The following ENTPD4 variants were observed in gnomAD, a reference collection of about 807,000 sequenced individuals.
The protein encoded by ENTPD4 is Golgi UDPase.
In ENTPD4, 60 loss-of-function variants were observed where a neutral mutation model predicts 79.1. That is an observed-to-expected ratio of 0.76 (90% confidence interval 0.62 to 0.94). The LOEUF is 0.94. Ranked by LOEUF, ENTPD4 falls within the 40% of genes least tolerant of loss-of-function variation. The probability of loss-of-function intolerance (pLI) is 0.00; values close to 1 mark genes in which losing one functional copy is unlikely to be tolerated. For missense variants in ENTPD4, 772 were observed against 775.1 expected, an observed-to-expected ratio of 1.00 and a Z score of 0.05; for synonymous variants, 276 against 292.0, an observed-to-expected ratio of 0.95 and a Z score of 0.56.
Position 23,444,461 on chromosome 8 carries a change from G to A in ENTPD4, c.558C>T (p.Pro186=), listed in dbSNP as rs532802683. 2.5e-5 allele frequency: 40 copies of A among 1,613,738 alleles called. No individual in the cohort carries two copies. Among genetic ancestry groups the A allele is most frequent in the Middle Eastern group, 1.7e-4 (1 of 6,002 alleles). ...GCCCTTCTGTGGAGGATCACCTTTCGGGGAGGATTCTCATTCCAGCCGTGC... is the reference window on the plus strand; with the variant it reads ...GCCCTTCTGTGGAGGATCACCTTTCAGGGAGGATTCTCATTCCAGCCGTGC... The part of the protein sequence containing the change: ...ILCTAGMRIL[P]ESQQKAILED... The change falls in exon 5 of 13, where the codon CCC becomes CCT. Residue 186 remains proline (P), a synonymous_variant. Transcript: ENST00000358689.
In ENTPD4 at chr8:23,449,088, A is replaced by C. The variant is rs1800813879; in HGVS notation, c.9-149T>G. 7 of 629,202 alleles carry C rather than the reference A, an allele frequency of 1.1e-5. No individual in the cohort carries two copies. In the East Asian group the frequency reaches 1.9e-4, roughly 17 times the overall value. 39.0% of individuals were successfully genotyped at this position (629,202 alleles called of 1,614,324 possible). ...TATACTGGCATCTTGCATATGCTAC[A>C]CAACAGCTACAAACCCCTTATCATA... On this transcript the variant is annotated intron_variant, in intron 2 of 12. Coordinates refer to ENST00000358689, the MANE Select transcript of ENTPD4 (RefSeq NM_004901.5).
At chr8:23,455,491 T>TA (rs76730498) in intron 1 of ENTPD4, among the ~76,000 whole-genome samples, 16,956 of 152,252 alleles carry the variant, frequency 0.11, 1,046 homozygotes, top group African/African-American at 0.16. Context: ...TGACAAAAGA[T>TA]ACATGAAGAC....
chr8:23,443,992 C>A lies in ENTPD4; in HGVS notation c.564-39G>T, dbSNP rs763118227. On this transcript the variant is annotated intron_variant, in intron 5 of 12. Coordinates refer to ENST00000358689, the MANE Select transcript of ENTPD4 (RefSeq NM_004901.5). ...AAAACATTTACAAATCAAAAGATTA[C>A]AGCTTGGTATCTTCTGTTTAGAAAA... 10 of 1,382,364 alleles carry A rather than the reference C, an allele frequency of 7.2e-6. No homozygotes were observed. The African/African-American group carries it at 1.4e-4, about 20-fold the overall frequency. 85.6% of individuals were successfully genotyped at this position (1,382,364 alleles called of 1,614,324 possible).
At chr8:23,439,609 G>T in intron 9 of ENTPD4, 140 bp downstream of exon 9, 1 of 765,228 alleles carries the variant, frequency 1.3e-6, no homozygotes, top group Non-Finnish European at 2.2e-6. Flanking sequence ...TCTTCTCCCT[G>T]CTCAGCTAGT....
At chr8:23,434,868 CTA>C (rs1379606493) in intron 11 of ENTPD4, 17 of 279,738 alleles carry the variant, frequency 6.1e-5, no homozygotes, top group African/African-American at 3.3e-4. Flanking sequence ...CTCTGATATT[CTA>C]TGACTCTAAA....
chr8:23,429,927 A>G lies in ENTPD4; in HGVS notation c.*2999T>C, dbSNP rs997249388. 10 of 985,364 alleles carry G rather than the reference A, an allele frequency of 1.0e-5. No homozygotes were observed. In the African/African-American group the frequency reaches 1.4e-4, roughly 14 times the overall value. The allele number at this position is 985,364 out of a possible 1,614,324, so 61.0% of individuals were successfully genotyped here. A position where few individuals can be genotyped will look rare whatever the true frequency, so the allele number is the denominator to read the frequency against. ...GAGAACATCCCCTGGAGGAGGTTTA[A>G]AAGTGAGAAGCCCATGATATGGCTA... On this transcript the variant is annotated 3_prime_UTR_variant, in exon 13 of 13. Coordinates refer to ENST00000358689, the MANE Select transcript of ENTPD4 (RefSeq NM_004901.5).
At position 23,434,451 on chromosome 8, in the gene ENTPD4, C is replaced by T. The variant is rs1223902829; in HGVS notation, c.1488G>A (p.Met496Ile). The stretch of plus-strand genomic sequence containing the variant: ...AAAAGCCCCTATGAAACACCTCAAA[C>T]ATCCAGGCCGATTTGAAGCACTGAT... ...LKYQCFKSAW[M>I]FEVFHRGFSF... is the part of the protein sequence containing the mutation. Residue 496 changes from methionine to isoleucine, a missense_variant, in exon 12 of 13, where the codon ATG (methionine) becomes ATA (isoleucine). By Grantham distance (10) the Met-to-Ile change is conservative. Transcript: ENST00000358689. 6.2e-7 allele frequency: 1 copy of T among 1,614,142 alleles called. No individual in the cohort carries two copies. Among genetic ancestry groups the T allele is most frequent in the African/African-American group, 1.3e-5 (1 of 75,030 alleles).
chr8:23,442,825 C>T (rs1432761368), intron 6 of ENTPD4, among the ~76,000 whole-genome samples: 2 of 152,132 alleles, frequency 1.3e-5, no homozygotes, highest in Non-Finnish European at 2.9e-5. Context: ...ATCCCTGCCC[C>T]TATTCCTCTG....
intron 8 of ENTPD4, among the ~76,000 whole-genome samples, chr8:23,440,472 C>T (rs1186372415): frequency 6.6e-6 from 1 of 151,892 alleles, no homozygotes; most frequent in Non-Finnish European, 1.5e-5. Flanking sequence ...GTGATGAATC[C>T]ATGGGAAATT....
At chr8:23,452,083 G>T (rs544792949) in intron 1 of ENTPD4, among the ~76,000 whole-genome samples, 1 of 152,212 alleles carries the variant, frequency 6.6e-6, no homozygotes, top group Non-Finnish European at 1.5e-5. Flanking sequence ...CTTGTCTAAG[G>T]TCACACAGCT....
chr8:23,440,969 T>C (rs1800657970), intron 8 of ENTPD4, among the ~76,000 whole-genome samples: 1 of 152,196 alleles, frequency 6.6e-6, no homozygotes, highest in African/African-American at 2.4e-5. Flanking sequence ...TCCAGAAAGC[T>C]AGGCTTTGGT....
chr8:23,438,445 A>G (rs760413931), intron 9 of ENTPD4, among the ~76,000 whole-genome samples: 4 of 152,248 alleles, frequency 2.6e-5, no homozygotes, highest in Non-Finnish European at 5.9e-5. Context: ...CAAATGGCGA[A>G]GAGATAAATG....
At chr8:23,435,725 C>T (rs1379517316) in intron 10 of ENTPD4, among the ~76,000 whole-genome samples, 1 of 152,204 alleles carries the variant, frequency 6.6e-6, no homozygotes, top group Non-Finnish European at 1.5e-5. Context: ...TGTCCACAAC[C>T]AACCTCTCCA....
intron 2 of ENTPD4, among the ~76,000 whole-genome samples, chr8:23,449,313 C>A (rs1800818578): frequency 6.6e-6 from 1 of 152,150 alleles, no homozygotes; most frequent in Non-Finnish European, 1.5e-5. Flanking sequence ...GATGATGAGA[C>A]CAAACGGGAA....
At chr8:23,451,494 G>C (rs1039269500) in intron 1 of ENTPD4, among the ~76,000 whole-genome samples, 2 of 151,960 alleles carry the variant, frequency 1.3e-5, no homozygotes, top group Non-Finnish European at 2.9e-5. Flanking sequence ...TATCACCCTC[G>C]GGCAATGATA....
In ENTPD4 at chr8:23,448,871, A is replaced by G. The variant is rs1408497978; in HGVS notation, c.77T>C (p.Ile26Thr). Residue 26 changes from isoleucine (I) to threonine (T), a missense_variant, in exon 3 of 13, where the codon ATT (isoleucine) becomes ACT (threonine). By Grantham distance (89) the Ile-to-Thr change is moderately conservative. Transcript: ENST00000358689. Reference sequence around the variant, plus strand: ...AATTTGGCGTAAATTGGTATTCAGAATTCGAGGACACCCTACTGGAGATAT... The same window carrying G: ...AATTTGGCGTAAATTGGTATTCAGAGTTCGAGGACACCCTACTGGAGATAT... ...FSISPVGCPR[I>T]LNTNLRQIMV... 6.2e-7 allele frequency: 1 copy of G among 1,614,078 alleles called. No homozygotes were observed. The highest frequency in any genetic ancestry group is 8.5e-7 in the Non-Finnish European group (1 of 1,180,010).
At chr8:23,445,455 C>T (rs1194285171) in intron 4 of ENTPD4, among the ~76,000 whole-genome samples, 3 of 152,176 alleles carry the variant, frequency 2.0e-5, no homozygotes, top group Non-Finnish European at 4.4e-5. Flanking sequence ...TCCCATGTTC[C>T]TTCCATTGCC....
At chr8:23,439,642 G>T in intron 9 of ENTPD4, 107 bp downstream of exon 9, 1 of 1,009,098 alleles carries the variant, frequency 9.9e-7, no homozygotes, top group Non-Finnish European at 1.5e-6. Flanking sequence ...AGCTAACAGT[G>T]CAACACACTT....
chr8:23,447,625 A>T lies in ENTPD4; in HGVS notation c.412+55T>A, dbSNP rs1800784429. Reference sequence around the variant, plus strand: ...GAAAGGGAACGATATGAAAGACGCCACAGAGAATGAAGGTACACACCCTGG... The same window carrying T: ...GAAAGGGAACGATATGAAAGACGCCTCAGAGAATGAAGGTACACACCCTGG... On this transcript the variant is annotated intron_variant, in intron 4 of 12. Transcript: ENST00000358689. 6 of 1,389,546 alleles carry T rather than the reference A, an allele frequency of 4.3e-6. No individual in the cohort carries two copies. In the African/African-American group the frequency reaches 5.7e-5, roughly 13 times the overall value. 86.1% of individuals were successfully genotyped at this position (1,389,546 alleles called of 1,614,324 possible). A position where few individuals can be genotyped will look rare whatever the true frequency, so the allele number is the denominator to read the frequency against.
Sources: allele counts gnomAD v4.1 joint callset (sites outside exome capture counted in the v4.1 genomes callset), GRCh38; gene constraint gnomAD v4.1.1; transcripts MANE v1.5; gene names NCBI Gene and HGNC (gene_info 2026-07-23, HGNC 2026-07-21).